BTG4: variants seen among roughly 807,000 people sequenced by gnomAD.
The protein encoded by BTG4 is BTG anti-proliferation factor 4.
Under a neutral mutation model 19.3 loss-of-function variants are expected in BTG4, and 10 were observed. That is an observed-to-expected ratio of 0.52 (90% CI 0.32 to 0.88). BTG4 has a LOEUF of 0.88. Ranked by LOEUF, BTG4 falls within the 40% of genes least tolerant of loss-of-function variation. BTG4 has a pLI of 0.04. For synonymous variants in BTG4, 91 were observed against 95.7 expected (o/e 0.95, Z 0.29); for missense variants, 238 against 281.9 (o/e 0.84, Z 1.11).
the BTG4 span, among the ~76,000 whole-genome samples, chr11:111,444,855 T>G: frequency 6.6e-6 from 1 of 151,936 alleles, no homozygotes; most frequent in South Asian, 2.1e-4. Context: ...AGCGCAGCAG[T>G]AAAAGCTGGC....
Position 111,498,035 on chromosome 11 carries a change from T to A in BTG4, c.274A>T (p.Met92Leu), listed in dbSNP as rs566410107. The change falls in exon 3 of 5, where the codon ATG (methionine) becomes TTG (leucine). Residue 92 changes from methionine to leucine, a missense_variant. Physicochemically the swap from Met to Leu is conservative, Grantham distance 15. Coordinates refer to ENST00000692032, the MANE Select transcript of BTG4 (RefSeq NM_001367975.1). ...TCAAAGGGATCTACCCATATGGTCA[T>A]CTCCTTCGGAAGTCCCAGGTGAGAA... ...DFSHLGLPKE[M>L]TIWVDPFEVC... 54 of 1,614,168 alleles carry A rather than the reference T, an allele frequency of 3.3e-5. No homozygotes were observed. The East Asian group carries it at 9.1e-4, about 27-fold the overall frequency.
At position 111,494,904 on chromosome 11, in the gene BTG4, A is replaced by G; in HGVS notation, c.*231T>C. ...GTCAACATCTTCATTCTGTTACCTT[A>G]CTGGGTACATTCACTGATGTTACAT... On this transcript the variant is annotated 3_prime_UTR_variant, in exon 5 of 5. Transcript: ENST00000692032. 1 of 984,908 alleles carries G rather than the reference A, an allele frequency of 1.0e-6. No individual in the cohort carries two copies. Among genetic ancestry groups the G allele is most frequent in the Non-Finnish European group, 1.2e-6 (1 of 829,460 alleles). 61.0% of individuals were successfully genotyped at this position (984,908 alleles called of 1,614,324 possible).
rs148468944 is a variant in BTG4, at chr11:111,471,284, G to A, written c.663-3603C>T. Among the ~76,000 whole-genome samples, 25 of 152,214 alleles carry A rather than the reference G, an allele frequency of 1.6e-4. No homozygotes were observed. In the East Asian group the frequency reaches 4.6e-3, roughly 28 times the overall value. On this transcript the variant is annotated intron_variant, in intron 5 of 5. Coordinates refer to the BTG4 transcript ENST00000356018. ...ATTTCCTGAATCCTGCTAAGTAATT[G>A]TCCCGTACACATATCTCCATCATTG...
the BTG4 span, chr11:111,385,697 C>T: frequency 3.3e-5 from 5 of 152,102 alleles, no homozygotes; most frequent in African/African-American, 9.7e-5. Flanking sequence ...TAAAGTATCT[C>T]AATCAAATAT....
the BTG4 span, among the ~76,000 whole-genome samples, chr11:111,445,872 A>G: frequency 6.6e-6 from 1 of 152,170 alleles, no homozygotes; most frequent in African/African-American, 2.4e-5. Context: ...GATCCCTTCC[A>G]GCTCTACTAC....
chr11:111,471,157 G>A (rs1209959291), intron 5 of BTG4, among the ~76,000 whole-genome samples: 1 of 152,092 alleles, frequency 6.6e-6, no homozygotes, highest in East Asian at 1.9e-4. Flanking sequence ...CTGCAAAGTA[G>A]GTAGTGTCTA....
At chr11:111,514,497 A>T, upstream of BTG4, 2 of 395,804 alleles carry the variant, frequency 5.1e-6, no homozygotes, top group Non-Finnish European at 4.7e-6. Context: ...GTGGCAGCCC[A>T]CTGAGGATAT....
At chr11:111,384,288 T>A in the BTG4 span, among the ~76,000 whole-genome samples, 1 of 151,960 alleles carries the variant, frequency 6.6e-6, no homozygotes, top group Non-Finnish European at 1.5e-5. Context: ...CCTGTCCTTG[T>A]CTTACAGAAA....
chr11:111,480,861 C>G lies in BTG4; in HGVS notation c.663-13180G>C, dbSNP rs11500838. On this transcript the variant is annotated intron_variant, in intron 5 of 5. Transcript: ENST00000356018. The stretch of plus-strand genomic sequence containing the variant: ...TTAGAAAAGAGGGAAAGTGTCAATT[C>G]AATAATCTTAGCTTCTACCCCAAAA... Among the ~76,000 whole-genome samples, 406 of 151,158 alleles carry G rather than the reference C, an allele frequency of 2.7e-3. 3 individuals are homozygous for G. The highest frequency in any genetic ancestry group is 9.3e-3 in the African/African-American group (385 of 41,260).
chr11:111,481,462 T>C (rs571542117), intron 5 of BTG4, among the ~76,000 whole-genome samples: 2 of 151,834 alleles, frequency 1.3e-5, no homozygotes, highest in South Asian at 4.1e-4. Context: ...ATATAATAAA[T>C]TACATATTGT....
chr11:111,487,317 A>G (rs1424573245), intron 5 of BTG4, among the ~76,000 whole-genome samples: 1 of 152,190 alleles, frequency 6.6e-6, no homozygotes, highest in African/African-American at 2.4e-5. Flanking sequence ...AATGATTTAT[A>G]TTCCTTTGGG....
At chr11:111,455,699 G>A in the BTG4 span, 7 of 412,424 alleles carry the variant, frequency 1.7e-5, no homozygotes, top group Admixed American at 1.7e-4. Flanking sequence ...GGGGGTCCCG[G>A]AACTGGCCAA....
chr11:111,414,899 G>C, the BTG4 span: 1 of 152,286 alleles, frequency 6.6e-6, no homozygotes, highest in African/African-American at 2.4e-5. Context: ...CCCAGCTGTA[G>C]GGGGGTCGGG....
At chr11:111,388,705 C>T in the BTG4 span, among the ~76,000 whole-genome samples, 6 of 152,212 alleles carry the variant, frequency 3.9e-5, no homozygotes, top group South Asian at 1.0e-3. Flanking sequence ...GGACTCAAAG[C>T]TCTCAGCCTC....
intron 4 of BTG4, chr11:111,496,481 T>C (rs1441360530): frequency 2.0e-5 from 3 of 152,202 alleles, no homozygotes; most frequent in Non-Finnish European, 4.4e-5. Flanking sequence ...GCCTAGAATA[T>C]CTGCCAATAA....
chr11:111,511,450 G>A (rs768627702), intron 1 of BTG4, among the ~76,000 whole-genome samples: 2 of 152,206 alleles, frequency 1.3e-5, no homozygotes, highest in South Asian at 4.1e-4. Flanking sequence ...GAGACCATTT[G>A]CTGGTTTTAG....
chr11:111,389,750 A>G, the BTG4 span, among the ~76,000 whole-genome samples: 6 of 152,384 alleles, frequency 3.9e-5, no homozygotes, highest in South Asian at 1.0e-3. Flanking sequence ...CAGGTGCACA[A>G]TAAATATAAA....
chr11:111,461,361 A>G, the BTG4 span, among the ~76,000 whole-genome samples: 1 of 152,124 alleles, frequency 6.6e-6, no homozygotes, highest in Non-Finnish European at 1.5e-5. Context: ...ACTTCCCAAG[A>G]GAGGAGTGGG....
At chr11:111,418,875 G>T in the BTG4 span, among the ~76,000 whole-genome samples, 1 of 152,344 alleles carries the variant, frequency 6.6e-6, no homozygotes, top group Middle Eastern at 3.4e-3. Context: ...ACAAAGTACT[G>T]ACTGGATGGC....
Sources: gnomAD v4.1 joint callset for allele counts (sites outside exome capture counted in the v4.1 genomes callset) on GRCh38, gnomAD v4.1.1 for gene constraint, MANE v1.5 for transcripts, NCBI Gene and HGNC (gene_info 2026-07-23, HGNC 2026-07-21) for gene names.